Variants in STK3 observed in about 807,000 individuals in gnomAD.
STK3 encodes serine/threonine-protein kinase 3.
STK3 carries 41 observed loss-of-function variants against 58.0 expected under a neutral mutation model. The ratio of observed to expected loss-of-function variants is 0.71; its 90% confidence interval spans 0.55 to 0.92. STK3 has a LOEUF of 0.92. Ranked by LOEUF, STK3 falls within the 40% of genes least tolerant of loss-of-function variation. The probability of loss-of-function intolerance (pLI) is 0.00; values close to 1 mark genes in which losing one functional copy is unlikely to be tolerated. For synonymous variants in STK3, 170 were observed against 191.0 expected, an observed-to-expected ratio of 0.89 and a Z score of 0.91; for missense variants, 479 against 602.7, an observed-to-expected ratio of 0.79 and a Z score of 2.15.
At chr8:98,361,431 C>A in the STK3 span, among the ~76,000 whole-genome samples, 1 of 152,092 alleles carries the variant, frequency 6.6e-6, no homozygotes, top group African/African-American at 2.4e-5. Context: ...GTTTTGTAAA[C>A]CTGTGGGTTA....
At chr8:98,828,880 T>G (rs923118319), upstream of STK3, among the ~76,000 whole-genome samples, 1 of 152,226 alleles carries the variant, frequency 6.6e-6, no homozygotes, top group African/African-American at 2.4e-5. Context: ...AACTATGAGT[T>G]GATTGAAAGT....
chr8:98,905,783 G>C, intron 1 of STK3: 3 of 412,052 alleles, frequency 7.3e-6, no homozygotes, highest in South Asian at 2.4e-5. Flanking sequence ...AAATTTAAAA[G>C]AGTTTAATTG....
At chr8:98,702,437 T>A (rs1442455196) in intron 6 of STK3, among the ~76,000 whole-genome samples, 1 of 152,200 alleles carries the variant, frequency 6.6e-6, no homozygotes, top group African/African-American at 2.4e-5. Flanking sequence ...CCTAAATATA[T>A]GTCCTACAAA....
At chr8:98,940,124 G>T (rs1254919017) in intron 1 of STK3, among the ~76,000 whole-genome samples, 1 of 152,156 alleles carries the variant, frequency 6.6e-6, no homozygotes, top group East Asian at 1.9e-4. Flanking sequence ...CCGGGAGCCC[G>T]CTCCTACCCC....
intron 2 of STK3, among the ~76,000 whole-genome samples, chr8:98,771,839 G>A (rs1424014284): frequency 3.3e-5 from 5 of 151,996 alleles, no homozygotes; most frequent in Non-Finnish European, 4.4e-5. Flanking sequence ...CACCCACCTC[G>A]GCCTCCCAAA....
At chr8:98,440,738 A>T (rs1016713634) in intron 1 of STK3, among the ~76,000 whole-genome samples, 1 of 152,254 alleles carries the variant, frequency 6.6e-6, no homozygotes, top group Admixed American at 6.5e-5. Flanking sequence ...TGATGATGTT[A>T]ATAGCTAACA....
chr8:98,911,872 A>T (rs1839150078), intron 1 of STK3, among the ~76,000 whole-genome samples: 1 of 152,196 alleles, frequency 6.6e-6, no homozygotes, highest in Non-Finnish European at 1.5e-5. Context: ...AATGATTCAA[A>T]TTTGTTAGTT....
intron 4 of STK3, among the ~76,000 whole-genome samples, chr8:98,737,291 T>C (rs182578621): frequency 5.3e-5 from 8 of 152,164 alleles, no homozygotes; most frequent in South Asian, 4.2e-4. Flanking sequence ...TAAAAAGAGA[T>C]GCAAGCAAAT....
intron 8 of STK3, among the ~76,000 whole-genome samples, chr8:98,558,042 T>C (rs1026485899): frequency 2.0e-5 from 3 of 152,048 alleles, no homozygotes; most frequent in Admixed American, 6.6e-5. Flanking sequence ...TAATATACAA[T>C]AGAGTAAATT....
intron 10 of STK3, among the ~76,000 whole-genome samples, chr8:98,492,744 C>T (rs1018658743): frequency 1.3e-5 from 2 of 151,936 alleles, no homozygotes; most frequent in African/African-American, 2.4e-5. Flanking sequence ...TCACCCACAC[C>T]CTGAAGGCTG....
chr8:98,611,584 TA>T lies in STK3; in HGVS notation c.685-15416del, dbSNP rs565593029. 3.1e-3 allele frequency among the ~76,000 whole-genome samples: 473 copies of T among 151,738 alleles called. 2 individuals are homozygous for T. The highest frequency in any genetic ancestry group is 5.2e-3 in the Non-Finnish European group (350 of 67,880). On this transcript the variant is annotated intron_variant, in intron 6 of 10. Transcript: ENST00000419617. Reference sequence around the variant, plus strand: ...TTCTACCATAAGTTAATTAAAATGATAAAAAAAAATTCATATATTAGTTTCT... The same window carrying T: ...TTCTACCATAAGTTAATTAAAATGATAAAAAAAATTCATATATTAGTTTCT...
chr8:98,813,677 C>G (rs553690938), intron 1 of STK3, among the ~76,000 whole-genome samples: 3 of 152,288 alleles, frequency 2.0e-5, no homozygotes, highest in African/African-American at 7.2e-5. Context: ...CTCCACTTAT[C>G]ATAAACTGGA....
At chr8:98,456,201 C>T (rs898614911) in intron 10 of STK3, among the ~76,000 whole-genome samples, 1 of 152,150 alleles carries the variant, frequency 6.6e-6, no homozygotes, top group Admixed American at 6.5e-5. Context: ...CTTGCAAGAA[C>T]CTCCAGTAAT....
intron 10 of STK3, among the ~76,000 whole-genome samples, chr8:98,524,047 C>T (rs917670800): frequency 1.3e-5 from 2 of 152,096 alleles, no homozygotes; most frequent in African/African-American, 4.8e-5. Flanking sequence ...TAAAGTAAGA[C>T]TCCAACTTCA....
the STK3 span, among the ~76,000 whole-genome samples, chr8:98,359,634 G>T: frequency 6.6e-6 from 1 of 152,090 alleles, no homozygotes; most frequent in African/African-American, 2.4e-5. Context: ...TCTCCTAATG[G>T]GTTTGCCTAC....
chr8:98,573,106 T>C (rs1266513652), intron 8 of STK3, among the ~76,000 whole-genome samples: 9 of 152,136 alleles, frequency 5.9e-5, no homozygotes, highest in Non-Finnish European at 1.3e-4. Context: ...AGTAAGAGCC[T>C]GAAGAGTCAT....
chr8:98,548,166 A>C lies in STK3; in HGVS notation c.949-5T>G. The stretch of plus-strand genomic sequence containing the variant: ...GGAATCCAGCTCATCTTCATCCTGC[A>C]AGCAAAATACTGCAATGAGGGAAGA... On this transcript the variant is annotated splice_polypyrimidine_tract_variant and splice_region_variant and intron_variant, in intron 8 of 10. Transcript: ENST00000419617. 1 of 1,521,600 alleles carries C rather than the reference A, an allele frequency of 6.6e-7. No individual in the cohort carries two copies. The highest frequency in any genetic ancestry group is 1.4e-5 in the South Asian group (1 of 73,752). The allele number at this position is 1,521,600 out of a possible 1,614,324, so 94.3% of individuals were successfully genotyped here.
intron 10 of STK3, among the ~76,000 whole-genome samples, chr8:98,500,131 G>C (rs1823454943): frequency 6.6e-6 from 1 of 151,418 alleles, no homozygotes; most frequent in Non-Finnish European, 1.5e-5. Context: ...CTTAGAAGAG[G>C]GGAGGCAGAG....
At chr8:98,479,497 G>A (rs1413995044) in intron 10 of STK3, among the ~76,000 whole-genome samples, 1 of 95,352 alleles carries the variant, frequency 1.0e-5, no homozygotes, top group Non-Finnish European at 2.1e-5. Flanking sequence ...GGGGGGGGGG[G>A]GGGGGCGGGA....
Sources: allele counts gnomAD v4.1 joint callset (sites outside exome capture counted in the v4.1 genomes callset), GRCh38; gene constraint gnomAD v4.1.1; transcripts MANE v1.5; gene names NCBI Gene and HGNC (gene_info 2026-07-23, HGNC 2026-07-21).